The following PAK5 variants were observed in gnomAD, a reference collection of about 807,000 sequenced individuals.
PAK5 encodes the protein serine/threonine-protein kinase PAK 5.
PAK5 carries 16 observed loss-of-function variants against 65.9 expected under a neutral mutation model. The observed-to-expected ratio is 0.24, with a 90% CI of 0.16 to 0.37. The LOEUF (loss-of-function observed/expected upper bound fraction) is 0.37. Ranked by LOEUF, PAK5 falls within the 10% of genes least tolerant of loss-of-function variation. The probability of loss-of-function intolerance (pLI) is 1.00; values close to 1 mark genes in which losing one functional copy is unlikely to be tolerated. For synonymous variants in PAK5, 371 were observed against 354.9 expected (o/e 1.05, Z -0.51); for missense variants, 785 against 903.9 (o/e 0.87, Z 1.69).
chr20:9,735,759 A>G (rs1278678313), intron 1 of PAK5, among the ~76,000 whole-genome samples: 1 of 152,050 alleles, frequency 6.6e-6, no homozygotes, highest in African/African-American at 2.4e-5. Context: ...GCAGTGGATC[A>G]TGCCTGTAAT....
At chr20:9,821,038 C>G (rs1183489521) in intron 1 of PAK5, among the ~76,000 whole-genome samples, 1 of 152,118 alleles carries the variant, frequency 6.6e-6, no homozygotes, top group African/African-American at 2.4e-5. Flanking sequence ...AAGTGGGAAA[C>G]TCTAGAACCC....
At chr20:9,811,247 G>A (rs1453128904) in intron 1 of PAK5, among the ~76,000 whole-genome samples, 2 of 151,936 alleles carry the variant, frequency 1.3e-5, no homozygotes, top group East Asian at 1.9e-4. Context: ...ACTTATCATC[G>A]TGACATTGTA....
At chr20:9,596,659 A>AAAAAAAAC (rs1282833699) in intron 3 of PAK5, among the ~76,000 whole-genome samples, 1 of 150,594 alleles carries the variant, frequency 6.6e-6, no homozygotes, top group African/African-American at 2.5e-5. Context: ...AAAAAAAAAA[A>AAAAAAAAC]AGACTACAGA....
intron 7 of PAK5, among the ~76,000 whole-genome samples, chr20:9,549,292 A>G (rs146599286): frequency 4.5e-4 from 68 of 152,232 alleles, no homozygotes; most frequent in African/African-American, 1.6e-3. Flanking sequence ...ATCCCCATAC[A>G]AATAAGGGAG....
chr20:9,607,356 A>C (rs1303947508), intron 3 of PAK5, among the ~76,000 whole-genome samples: 2 of 152,248 alleles, frequency 1.3e-5, no homozygotes, highest in Admixed American at 6.5e-5. Context: ...ATATAAAGAA[A>C]GGCTGAGGAA....
At chr20:9,661,527 G>A (rs928728373) in intron 2 of PAK5, among the ~76,000 whole-genome samples, 7 of 152,192 alleles carry the variant, frequency 4.6e-5, no homozygotes, top group South Asian at 2.1e-4. Context: ...CAATGACTAT[G>A]TAAATTCTAG....
chr20:9,593,330 T>C (rs1313900504), intron 3 of PAK5, among the ~76,000 whole-genome samples: 2 of 152,044 alleles, frequency 1.3e-5, no homozygotes, highest in African/African-American at 2.4e-5. Flanking sequence ...GTTGGTAGGT[T>C]AGGCTCCCTT....
chr20:9,832,241 T>C (rs1001347039), intron 1 of PAK5, among the ~76,000 whole-genome samples: 2 of 152,198 alleles, frequency 1.3e-5, no homozygotes, highest in Non-Finnish European at 1.5e-5. Context: ...GAATAGTGTG[T>C]CAAATAATTT....
At chr20:9,831,074 C>T (rs576638691) in intron 1 of PAK5, among the ~76,000 whole-genome samples, 1 of 152,330 alleles carries the variant, frequency 6.6e-6, no homozygotes, top group East Asian at 1.9e-4. Context: ...GGGGGAAGAA[C>T]CCCAAGCATA....
At chr20:9,688,970 T>G (rs1034891171) in intron 2 of PAK5, among the ~76,000 whole-genome samples, 1 of 152,180 alleles carries the variant, frequency 6.6e-6, no homozygotes, top group Non-Finnish European at 1.5e-5. Context: ...GTGACATTAA[T>G]GTGGACTCAG....
chr20:9,823,183 G>A (rs1250319001), intron 1 of PAK5, among the ~76,000 whole-genome samples: 4 of 152,098 alleles, frequency 2.6e-5, no homozygotes, highest in Non-Finnish European at 5.9e-5. Context: ...TTTCCCTCTG[G>A]AGGACATAGC....
At chr20:9,618,858 G>A (rs1351081073) in intron 3 of PAK5, among the ~76,000 whole-genome samples, 1 of 146,882 alleles carries the variant, frequency 6.8e-6, no homozygotes, top group Non-Finnish European at 1.5e-5. Context: ...GGTTTTAAGA[G>A]GAAGAAAGGA....
At chr20:9,800,261 A>G (rs2049154559) in intron 1 of PAK5, among the ~76,000 whole-genome samples, 1 of 152,038 alleles carries the variant, frequency 6.6e-6, no homozygotes, top group Non-Finnish European at 1.5e-5. Context: ...GAGATAACTC[A>G]TTTTATCTGT....
chr20:9,837,172 T>C (rs892354975), intron 1 of PAK5, among the ~76,000 whole-genome samples: 1 of 152,242 alleles, frequency 6.6e-6, no homozygotes, highest in African/African-American at 2.4e-5. Context: ...AGGCCAGCGT[T>C]ACCAAGGAAC....
chr20:9,566,400 T>C lies in PAK5; in HGVS notation c.991-16A>G, dbSNP rs757366711. On this transcript the variant is annotated splice_polypyrimidine_tract_variant and intron_variant, in intron 4 of 9. Coordinates refer to ENST00000353224, the MANE Select transcript of PAK5 (RefSeq NM_177990.4). ...CGTAATCCACCTGGGAAGACAGACA[T>C]GGATAGAGAATATTCACATGCTGGA... is the stretch of plus-strand genomic sequence containing the variant. The C allele has an allele frequency of 5.7e-5, 91 of 1,607,760 alleles. No individual in the cohort carries two copies. Among genetic ancestry groups the C allele is most frequent in the Middle Eastern group, 3.3e-4 (2 of 6,074 alleles).
chr20:9,612,641 G>A lies in PAK5; in HGVS notation c.204+31484C>T, dbSNP rs141566990. ...CCGTTCGTGAGAACTCCACCCCCCC[G>A]ATCCAATCACCTCCCACCAGGCCCA... On this transcript the variant is annotated intron_variant, in intron 3 of 9. Coordinates refer to ENST00000353224, the MANE Select transcript of PAK5 (RefSeq NM_177990.4). Among the ~76,000 whole-genome samples, 667 of 152,030 alleles carry A rather than the reference G, an allele frequency of 4.4e-3. 5 individuals are homozygous for A. The Middle Eastern group carries it at 0.048, about 11-fold the overall frequency.
chr20:9,702,877 G>A (rs2047957822), intron 2 of PAK5, among the ~76,000 whole-genome samples: 1 of 152,088 alleles, frequency 6.6e-6, no homozygotes, highest in Admixed American at 6.6e-5. Flanking sequence ...GCAATATTAG[G>A]AAGATTAACT....
At chr20:9,670,957 G>T (rs953503175) in intron 2 of PAK5, among the ~76,000 whole-genome samples, 2 of 152,158 alleles carry the variant, frequency 1.3e-5, no homozygotes, top group Non-Finnish European at 2.9e-5. Flanking sequence ...TGTATAAGGT[G>T]TAAGGAAGGG....
intron 2 of PAK5, among the ~76,000 whole-genome samples, chr20:9,677,727 C>A (rs2047593773): frequency 6.6e-6 from 1 of 152,176 alleles, no homozygotes. Flanking sequence ...CTAAATTATG[C>A]ATGTAAGCAA....
Sources: gnomAD v4.1 joint callset for allele counts (sites outside exome capture counted in the v4.1 genomes callset) on GRCh38, gnomAD v4.1.1 for gene constraint, MANE v1.5 for transcripts, NCBI Gene and HGNC (gene_info 2026-07-23, HGNC 2026-07-21) for gene names.